Variants in ARID3B observed in about 807,000 individuals in gnomAD.
The protein encoded by ARID3B is AT-rich interactive domain-containing protein 3B.
ARID3B carries 10 observed loss-of-function variants against 51.9 expected under a neutral mutation model. The ratio of observed to expected loss-of-function variants is 0.19; its 90% confidence interval spans 0.12 to 0.33. The LOEUF (loss-of-function observed/expected upper bound fraction) is 0.33. Ranked by LOEUF, ARID3B falls within the 10% of genes least tolerant of loss-of-function variation. The pLI is 1.00. For synonymous variants in ARID3B, 205 were observed against 279.5 expected, an observed-to-expected ratio of 0.73 and a Z score of 2.66; for missense variants, 483 against 716.3, an observed-to-expected ratio of 0.67 and a Z score of 3.72.
intron 4 of ARID3B, among the ~76,000 whole-genome samples, chr15:74,587,009 C>T (rs923251682): frequency 1.3e-5 from 2 of 152,212 alleles, no homozygotes; most frequent in Admixed American, 6.5e-5. Flanking sequence ...GGAGAAGGCC[C>T]AGTGAGTTGG....
Position 74,544,304 on chromosome 15 carries a change from A to C in ARID3B, c.368A>C (p.His123Pro). The C allele has an allele frequency of 6.2e-7, 1 of 1,613,046 alleles. No homozygotes were observed. The highest frequency in any genetic ancestry group is 1.1e-5 in the South Asian group (1 of 90,858). The change falls in exon 2 of 9, where the codon CAT becomes CCT. Residue 123 changes from histidine (H) to proline (P), a missense_variant. Transcript: ENST00000346246. ...ACCCAGGCTGCTTCAAAATATTTTC[A>C]TGTGCAGAAAGTAGCTCGCCAAGAT... ...KETQAASKYF[H>P]VQKVARQDPR...
chr15:74,579,470 ATC>A (rs1176083832), intron 4 of ARID3B, among the ~76,000 whole-genome samples: 1 of 152,154 alleles, frequency 6.6e-6, no homozygotes, highest in Non-Finnish European at 1.5e-5. Context: ...CAGTTTCCTT[ATC>A]TATTGAATGA....
chr15:74,574,253 TAGG>T (rs753340396), intron 4 of ARID3B: 1 of 152,466 alleles, frequency 6.6e-6, no homozygotes, highest in Admixed American at 6.5e-5. Context: ...CCAGCCTCTC[TAGG>T]AGAAGGCCTT....
intron 4 of ARID3B, among the ~76,000 whole-genome samples, chr15:74,581,521 T>C (rs2061761850): frequency 6.6e-6 from 1 of 152,180 alleles, no homozygotes; most frequent in African/African-American, 2.4e-5. Context: ...TCTAACTTTA[T>C]CCCGAAATGA....
intron 4 of ARID3B, among the ~76,000 whole-genome samples, chr15:74,583,205 A>G (rs1374522436): frequency 6.6e-6 from 1 of 152,146 alleles, no homozygotes; most frequent in Non-Finnish European, 1.5e-5. Flanking sequence ...ACCTAAAAAA[A>G]AAAAGTTGTG....
chr15:74,569,872 C>T (rs941815282), intron 2 of ARID3B, among the ~76,000 whole-genome samples: 16 of 152,166 alleles, frequency 1.1e-4, no homozygotes, highest in African/African-American at 3.6e-4. Context: ...ATGGAATGCA[C>T]GTTGGACATT....
Position 74,596,358 on chromosome 15 carries a change from C to T in ARID3B, c.*584C>T, listed in dbSNP as rs2061825462. The T allele has an allele frequency of 1.3e-5, 3 of 233,504 alleles. No individual in the cohort carries two copies. Among genetic ancestry groups the T allele is most frequent in the Admixed American group, 5.6e-5 (1 of 17,782 alleles). The allele number at this position is 233,504 out of a possible 1,614,324, so 14.5% of individuals were successfully genotyped here. A position where few individuals can be genotyped will look rare whatever the true frequency, so the allele number is the denominator to read the frequency against. ...AAGTCTTGAATCAGTCCTCAGGGCCCCAGATCCCCCTTCTAATAGTCTGAA... is the reference window on the plus strand; with the variant it reads ...AAGTCTTGAATCAGTCCTCAGGGCCTCAGATCCCCCTTCTAATAGTCTGAA... On this transcript the variant is annotated 3_prime_UTR_variant, in exon 9 of 9. Coordinates refer to ENST00000346246, the MANE Select transcript of ARID3B (RefSeq NM_006465.4).
intron 4 of ARID3B, among the ~76,000 whole-genome samples, chr15:74,588,398 A>G (rs2061789412): frequency 6.6e-6 from 1 of 152,164 alleles, no homozygotes; most frequent in African/African-American, 2.4e-5. Flanking sequence ...CTTTAGGGAA[A>G]GAAGGCGGAT....
chr15:74,554,146 A>G (rs889973529), intron 2 of ARID3B, among the ~76,000 whole-genome samples: 2 of 151,982 alleles, frequency 1.3e-5, no homozygotes, highest in African/African-American at 4.8e-5. Flanking sequence ...AGCTGGGACT[A>G]CAGGCGCCTG....
rs374538596 is a variant in ARID3B at position 74,579,828 on chromosome 15, CGTGTGTGTGTGT to C, written c.697+6658_697+6669del. 1.6e-3 allele frequency among the ~76,000 whole-genome samples: 225 copies of C among 137,852 alleles called. 1 individual carries two copies. Among genetic ancestry groups the C allele is most frequent in the Admixed American group, 4.3e-3 (62 of 14,350 alleles). 90.4% of individuals were successfully genotyped at this position (137,852 alleles called of 152,430 possible). On this transcript the variant is annotated intron_variant, in intron 4 of 8. Transcript: ENST00000346246. Reference sequence around the variant, plus strand: ...ATGCCCCTTTGGGCTCACCTGTTGCCGTGTGTGTGTGTGTGTGTGTGTGTGTGTGTGTGTGTG... The same window carrying C: ...ATGCCCCTTTGGGCTCACCTGTTGCCGTGTGTGTGTGTGTGTGTGTGTGTG...
chr15:74,591,470 A>C lies in ARID3B; in HGVS notation c.1165+36A>C. 1 of 1,594,614 alleles carries C rather than the reference A, an allele frequency of 6.3e-7. No individual in the cohort carries two copies. The highest frequency in any genetic ancestry group is 8.6e-7 in the Non-Finnish European group (1 of 1,166,334). On this transcript the variant is annotated intron_variant, in intron 6 of 8. Coordinates refer to ENST00000346246, the MANE Select transcript of ARID3B (RefSeq NM_006465.4). The surrounding 1 kb of genome is among the most constrained non-coding windows in gnomAD (Gnocchi z 5.8). ...CTCCTGGGGGAGAAGGAAGAAAGGG[A>C]GGAAGGGATGCCAGTTCCCTGTGTT...
intron 2 of ARID3B, among the ~76,000 whole-genome samples, chr15:74,561,289 A>ACT (rs1303991084): frequency 6.6e-6 from 1 of 152,214 alleles, no homozygotes; most frequent in Non-Finnish European, 1.5e-5. Flanking sequence ...TCTAGAATGA[A>ACT]TGAGAAGGAT....
At chr15:74,585,384 T>C (rs558045023) in intron 4 of ARID3B, among the ~76,000 whole-genome samples, 1 of 152,350 alleles carries the variant, frequency 6.6e-6, no homozygotes, top group East Asian at 1.9e-4. Context: ...AAGGAGCCAT[T>C]GCTTGTGGAC....
chr15:74,572,766 G>A (rs1365936086), intron 2 of ARID3B, 96 bp from the exon 3 acceptor site: 8 of 1,175,390 alleles, frequency 6.8e-6, no homozygotes, highest in South Asian at 4.9e-5. Flanking sequence ...CAATTGCTAA[G>A]CATCTTCATC....
rs1596265810 is a variant in ARID3B, at chr15:74,593,140, G to C, written c.1423G>C (p.Asp475His). 1 of 1,612,668 alleles carries C rather than the reference G, an allele frequency of 6.2e-7. No individual in the cohort carries two copies. Among genetic ancestry groups the C allele is most frequent in the South Asian group, 1.1e-5 (1 of 91,004 alleles). ...PMKIRINGRE[D>H]RAEASAAALN... ...CACTGTCTCCCTGTCCCCAGCAGAA[G>C]ACAGAGCAGAGGCCTCGGCTGCAGC... The change falls in exon 8 of 9, where the codon GAC becomes CAC. Residue 475 changes from aspartate (D) to histidine (H), a missense_variant and splice_region_variant. Transcript: ENST00000346246.
chr15:74,559,100 A>G (rs2061669664), intron 2 of ARID3B, among the ~76,000 whole-genome samples: 1 of 152,070 alleles, frequency 6.6e-6, no homozygotes, highest in Non-Finnish European at 1.5e-5. Context: ...CCTGGCATGC[A>G]GGGGCCTACA....
rs555376296 is a variant in ARID3B, at chr15:74,570,879, C to A, written c.553-1983C>A. On this transcript the variant is annotated intron_variant, in intron 2 of 8. Coordinates refer to ENST00000346246, the MANE Select transcript of ARID3B (RefSeq NM_006465.4). Reference sequence around the variant, plus strand: ...AATTACAATGTGGGATGAGCTTTAACTTTTTTTTCTTTTTAAACAATGTTC... The same window carrying A: ...AATTACAATGTGGGATGAGCTTTAAATTTTTTTTCTTTTTAAACAATGTTC... 2.0e-5 allele frequency among the ~76,000 whole-genome samples: 3 copies of A among 152,098 alleles called. No individual in the cohort carries two copies. The South Asian group carries it at 6.2e-4, about 32-fold the overall frequency.
intron 7 of ARID3B, 84 bp from the exon 8 acceptor site, chr15:74,593,054 A>G (rs781047075): frequency 5.9e-5 from 70 of 1,196,436 alleles, no homozygotes; most frequent in Non-Finnish European, 8.1e-5. Flanking sequence ...GGCTTTGACC[A>G]GGGGTGGCCA....
At chr15:74,594,626 C>T (rs2061817341) in intron 8 of ARID3B, among the ~76,000 whole-genome samples, 1 of 152,270 alleles carries the variant, frequency 6.6e-6, no homozygotes, top group South Asian at 2.1e-4. Context: ...AGTGTTTCCT[C>T]AGGGCCTACT....
Sources: gnomAD v4.1 joint callset for allele counts (sites outside exome capture counted in the v4.1 genomes callset) on GRCh38, gnomAD v4.1.1 for gene constraint, Gnocchi (gnomAD v3.1) non-coding constraint, MANE v1.5 for transcripts, NCBI Gene and HGNC (gene_info 2026-07-23, HGNC 2026-07-21) for gene names.